AGBL1: variants seen among roughly 807,000 people sequenced by gnomAD.
The protein encoded by AGBL1 is AGBL carboxypeptidase 1.
AGBL1 carries 130 observed loss-of-function variants against 118.9 expected under a neutral mutation model. The observed-to-expected ratio is 1.09, with a 90% confidence interval of 0.95 to 1.26. The LOEUF (loss-of-function observed/expected upper bound fraction) is 1.26. AGBL1 is among the 50% of genes most tolerant of loss of function. AGBL1 has a pLI of 0.00. For synonymous variants in AGBL1, 555 were observed against 478.9 expected, an observed-to-expected ratio of 1.16 and a Z score of -2.08; for missense variants, 1,584 against 1,298.1, an observed-to-expected ratio of 1.22 and a Z score of -3.38.
intron 20 of AGBL1, among the ~76,000 whole-genome samples, chr15:86,549,663 CAA>C (rs1274930710): frequency 1.3e-5 from 2 of 151,846 alleles, no homozygotes; most frequent in African/African-American, 4.8e-5. Flanking sequence ...TCAGTAGAAA[CAA>C]GAGTGGGCCA....
At chr15:86,324,346 C>T (rs978259790) in intron 17 of AGBL1, among the ~76,000 whole-genome samples, 2 of 152,056 alleles carry the variant, frequency 1.3e-5, no homozygotes, top group East Asian at 1.9e-4. Flanking sequence ...GCAAATGATG[C>T]CAGCACTAAG....
intron 1 of AGBL1, among the ~76,000 whole-genome samples, chr15:86,112,513 A>G (rs1223682649): frequency 1.3e-5 from 2 of 152,242 alleles, no homozygotes; most frequent in East Asian, 1.9e-4. Flanking sequence ...TTAGACATTT[A>G]GAGTGTTTTC....
At position 86,664,469 on chromosome 15, in the gene AGBL1, C is replaced by T. The variant is rs143918676; in HGVS notation, c.2995-9804C>T. ...ATTCAAGTTCAGAGCCTCTCCAAAC[C>T]TGTTTAAAACTCCAAAAGTCACTGT... On this transcript the variant is annotated intron_variant, in intron 21 of 22. Coordinates refer to ENST00000614907, the MANE Select transcript of AGBL1 (RefSeq NM_001386094.1). Among the ~76,000 whole-genome samples the T allele has an allele frequency of 1.5e-3, 230 of 152,306 alleles. 1 individual carries two copies. The highest frequency in any genetic ancestry group is 5.2e-3 in the African/African-American group (218 of 41,582).
intron 21 of AGBL1, among the ~76,000 whole-genome samples, chr15:86,604,082 T>C (rs1017642199): frequency 1.3e-5 from 2 of 150,862 alleles, no homozygotes; most frequent in African/African-American, 5.0e-5. Context: ...CATCCACCTA[T>C]ACAAATTGTG....
At chr15:86,855,347 C>A (rs1425797626) in intron 22 of AGBL1, among the ~76,000 whole-genome samples, 13 of 152,180 alleles carry the variant, frequency 8.5e-5, no homozygotes, top group Admixed American at 8.5e-4. Context: ...AGAGCCAGAG[C>A]ACCATATGTT....
intron 3 of AGBL1, among the ~76,000 whole-genome samples, chr15:86,151,751 T>C (rs2077114347): frequency 6.6e-6 from 1 of 152,212 alleles, no homozygotes; most frequent in Non-Finnish European, 1.5e-5. Context: ...TGTTTGCAGA[T>C]GACATGATTG....
At chr15:86,766,872 C>T (rs1392762482) in intron 22 of AGBL1, among the ~76,000 whole-genome samples, 3 of 148,974 alleles carry the variant, frequency 2.0e-5, no homozygotes, top group Admixed American at 6.7e-5. Flanking sequence ...CACACACACC[C>T]CTCTGCTCTG....
At chr15:86,263,500 T>C (rs759321336) in intron 10 of AGBL1, among the ~76,000 whole-genome samples, 4 of 152,380 alleles carry the variant, frequency 2.6e-5, no homozygotes, top group South Asian at 2.1e-4. Flanking sequence ...CTGCCTATTG[T>C]CTGGTGGGCA....
At chr15:86,230,545 G>A (rs1457748570) in intron 6 of AGBL1, among the ~76,000 whole-genome samples, 1 of 152,118 alleles carries the variant, frequency 6.6e-6, no homozygotes, top group Non-Finnish European at 1.5e-5. Flanking sequence ...CCTGGCTCCG[G>A]GCTCTGCCCT....
chr15:86,756,072 G>A (rs908011714), intron 22 of AGBL1, among the ~76,000 whole-genome samples: 1 of 152,254 alleles, frequency 6.6e-6, no homozygotes, highest in South Asian at 2.1e-4. Context: ...TCCCCAAGGG[G>A]CATGCAGAAA....
At position 86,797,712 on chromosome 15, in the gene AGBL1, A is replaced by G. The variant is rs558422086; in HGVS notation, c.3159-109375A>G. Among the ~76,000 whole-genome samples the G allele has an allele frequency of 2.0e-5, 3 of 152,258 alleles. No homozygotes were observed. In the East Asian group the frequency reaches 5.8e-4, roughly 29 times the overall value. Reference sequence around the variant, plus strand: ...AAGAGGCAAGGACCTTCAAGTTAAGAGTTTTGTAACATATTTAAAGCATGG... The same window carrying G: ...AAGAGGCAAGGACCTTCAAGTTAAGGGTTTTGTAACATATTTAAAGCATGG... On this transcript the variant is annotated intron_variant, in intron 22 of 22. Coordinates refer to ENST00000614907, the MANE Select transcript of AGBL1 (RefSeq NM_001386094.1).
intron 17 of AGBL1, among the ~76,000 whole-genome samples, chr15:86,328,979 G>T (rs2080229441): frequency 6.6e-6 from 1 of 152,136 alleles, no homozygotes; most frequent in African/African-American, 2.4e-5. Context: ...TGCTCTGGAG[G>T]GGTTAGGGAC....
chr15:86,347,552 G>A (rs2080557858), intron 17 of AGBL1, among the ~76,000 whole-genome samples: 1 of 152,190 alleles, frequency 6.6e-6, no homozygotes. Flanking sequence ...AGCTATAATT[G>A]CTCACTGATA....
intron 18 of AGBL1, among the ~76,000 whole-genome samples, chr15:86,478,852 C>T (rs1262289835): frequency 6.6e-6 from 1 of 152,142 alleles, no homozygotes; most frequent in African/African-American, 2.4e-5. Context: ...GCTACAGTAA[C>T]CAAAACAGCA....
At chr15:86,411,338 T>C (rs1033185647) in intron 18 of AGBL1, among the ~76,000 whole-genome samples, 1 of 152,052 alleles carries the variant, frequency 6.6e-6, no homozygotes, top group Admixed American at 6.6e-5. Context: ...AGTGCACCTA[T>C]CAGGAACCAG....
Position 86,266,396 on chromosome 15 carries a change from C to T in AGBL1, c.1690C>T (p.Arg564Trp), listed in dbSNP as rs577916222. ...VQRIRIFEDI[R>W]RLIQPSDVIN... The stretch of plus-strand genomic sequence containing the variant: ...CAGGATCAGGATATTTGAGGATATT[C>T]GGAGGCTCATCCAGCCAAGTGATGT... The change falls in exon 12 of 23, where the codon CGG (arginine) becomes TGG (tryptophan). Residue 564 changes from arginine to tryptophan, a missense_variant. Coordinates refer to ENST00000614907, the MANE Select transcript of AGBL1 (RefSeq NM_001386094.1). The T allele has an allele frequency of 3.5e-5, 55 of 1,579,760 alleles. No homozygotes were observed. The highest frequency in any genetic ancestry group is 2.7e-4 in the Admixed American group (15 of 54,904).
chr15:86,289,432 CATTT>C (rs2079509905), intron 16 of AGBL1, among the ~76,000 whole-genome samples: 1 of 152,150 alleles, frequency 6.6e-6, no homozygotes, highest in Admixed American at 6.6e-5. Context: ...TAACAGCTAA[CATTT>C]ATTGTTTCCT....
At chr15:86,588,495 G>A (rs149193551) in intron 21 of AGBL1, among the ~76,000 whole-genome samples, 1 of 152,188 alleles carries the variant, frequency 6.6e-6, no homozygotes, top group Non-Finnish European at 1.5e-5. Flanking sequence ...GTAGCTGCAG[G>A]GAGTGCTGGG....
At chr15:86,429,287 T>A (rs576914044) in intron 18 of AGBL1, among the ~76,000 whole-genome samples, 3 of 152,322 alleles carry the variant, frequency 2.0e-5, no homozygotes, top group Admixed American at 2.0e-4. Context: ...TCTGCCTTTC[T>A]CCAGGGCCAG....
Sources: allele counts gnomAD v4.1 joint callset (sites outside exome capture counted in the v4.1 genomes callset), GRCh38; gene constraint gnomAD v4.1.1; transcripts MANE v1.5; gene names NCBI Gene and HGNC (gene_info 2026-07-23, HGNC 2026-07-21).